Variants in MAP3K20 observed in about 807,000 individuals in gnomAD.
MAP3K20 encodes the protein mitogen-activated protein kinase kinase kinase 20.
MAP3K20 carries 40 observed loss-of-function variants against 85.7 expected under a neutral mutation model. The observed-to-expected ratio is 0.47, with a 90% confidence interval of 0.36 to 0.61. MAP3K20 has a LOEUF of 0.61. MAP3K20 is among the 20% of genes least tolerant of loss of function. MAP3K20 has a pLI of 0.00. For synonymous variants in MAP3K20, 325 were observed against 327.7 expected (o/e 0.99, Z 0.09); for missense variants, 817 against 961.7 (o/e 0.85, Z 1.99).
intron 16 of MAP3K20, among the ~76,000 whole-genome samples, chr2:173,243,163 C>G (rs1684831689): frequency 6.6e-6 from 1 of 152,184 alleles, no homozygotes; most frequent in Non-Finnish European, 1.5e-5. Context: ...ACAAAATCCA[C>G]AAAACGCTAT....
At chr2:173,143,195 A>C (rs1476476117) in intron 2 of MAP3K20, among the ~76,000 whole-genome samples, 2 of 152,204 alleles carry the variant, frequency 1.3e-5, no homozygotes, top group Non-Finnish European at 2.9e-5. Flanking sequence ...GGCTCTATTA[A>C]TATCAGACAC....
intron 3 of MAP3K20, among the ~76,000 whole-genome samples, chr2:173,177,342 T>C (rs772813186): frequency 4.0e-5 from 6 of 151,806 alleles, no homozygotes; most frequent in Non-Finnish European, 8.8e-5. Context: ...GCAATTAAAA[T>C]TGAAATTAAC....
intron 2 of MAP3K20, among the ~76,000 whole-genome samples, chr2:173,098,055 CT>C (rs1174761631): frequency 5.3e-5 from 8 of 152,268 alleles, no homozygotes; most frequent in South Asian, 2.1e-4. Flanking sequence ...ATATTTCCCC[CT>C]GACCCAAACA....
intron 1 of MAP3K20, among the ~76,000 whole-genome samples, chr2:173,084,917 C>T (rs1687106123): frequency 6.6e-6 from 1 of 152,194 alleles, no homozygotes; most frequent in African/African-American, 2.4e-5. Context: ...AATAACAGAT[C>T]TGCTCATAGA....
chr2:173,093,920 A>G (rs1013866217), intron 2 of MAP3K20, among the ~76,000 whole-genome samples: 2 of 146,656 alleles, frequency 1.4e-5, no homozygotes, highest in East Asian at 4.1e-4. Context: ...ATTCTCACTC[A>G]TATGTGGGAA....
chr2:173,131,006 A>AT (rs1688604402), intron 2 of MAP3K20, among the ~76,000 whole-genome samples: 1 of 152,190 alleles, frequency 6.6e-6, no homozygotes, highest in Non-Finnish European at 1.5e-5. Context: ...TGTGCATGCT[A>AT]TTTATTAGGG....
At position 173,266,644 on chromosome 2, in the gene MAP3K20, G is replaced by T. The variant is rs766510908; in HGVS notation, c.2297G>T (p.Gly766Val). 17 of 1,613,550 alleles carry T rather than the reference G, an allele frequency of 1.1e-5. No individual in the cohort carries two copies. In the East Asian group the frequency reaches 2.7e-4, roughly 25 times the overall value. The change falls in exon 20 of 20, where the codon GGG becomes GTG. Residue 766 changes from glycine to valine, a missense_variant. This residue lies in a region of MAP3K20 where 454 missense variants were observed against 476.9 expected (regional missense o/e 0.95). Coordinates refer to ENST00000375213, the MANE Select transcript of MAP3K20 (RefSeq NM_016653.3). ...GAAGAGGACAGCAAAGTCAGCGAAG[G>T]GGGCTGGACAAAAGTGGAATACCGG... ...ASEEDSKVSEGGWTKVEYRKK... is the reference protein window; with the variant it reads ...ASEEDSKVSEVGWTKVEYRKK...
intron 16 of MAP3K20, among the ~76,000 whole-genome samples, chr2:173,245,098 T>A (rs1462242967): frequency 1.3e-5 from 2 of 152,072 alleles, no homozygotes; most frequent in Non-Finnish European, 2.9e-5. Flanking sequence ...GTAGCTACAT[T>A]TTCCCTTTGC....
intron 10 of MAP3K20, among the ~76,000 whole-genome samples, chr2:173,213,998 T>TAG (rs746728868): frequency 2.6e-5 from 4 of 152,144 alleles, no homozygotes; most frequent in African/African-American, 7.2e-5. Context: ...TTTAGTAAAT[T>TAG]AGAGTCACCG....
chr2:173,230,589 A>G lies in MAP3K20; in HGVS notation c.1032+856A>G, dbSNP rs77187769. On this transcript the variant is annotated intron_variant, in intron 12 of 19. Transcript: ENST00000375213. Reference sequence around the variant, plus strand: ...TGCACTCAGACTGTTGAAGTCCAAAAGAAGTCCTGCACTCTGCATTCTTGA... The same window carrying G: ...TGCACTCAGACTGTTGAAGTCCAAAGGAAGTCCTGCACTCTGCATTCTTGA... Among the ~76,000 whole-genome samples, 42 of 152,354 alleles carry G rather than the reference A, an allele frequency of 2.8e-4. No homozygotes were observed. In the East Asian group the frequency reaches 7.9e-3, roughly 29 times the overall value.
rs1687791282 is a variant in MAP3K20 at position 173,106,674 on chromosome 2, A to G, written c.159+15484A>G. Reference sequence around the variant, plus strand: ...GAAAAGTAGAACCATGATGCTGAGGATGGTTGCAGGGGAAGGATTCTGTGA... The same window carrying G: ...GAAAAGTAGAACCATGATGCTGAGGGTGGTTGCAGGGGAAGGATTCTGTGA... On this transcript the variant is annotated intron_variant, in intron 2 of 19. Coordinates refer to ENST00000375213, the MANE Select transcript of MAP3K20 (RefSeq NM_016653.3). 3.3e-5 allele frequency among the ~76,000 whole-genome samples: 5 copies of G among 152,250 alleles called. No individual in the cohort carries two copies. The South Asian group carries it at 1.0e-3, about 32-fold the overall frequency.
chr2:173,167,302 T>G (rs1053847056), intron 2 of MAP3K20, among the ~76,000 whole-genome samples: 7 of 152,088 alleles, frequency 4.6e-5, no homozygotes, highest in African/African-American at 1.2e-4. Flanking sequence ...CAGAGGGTGA[T>G]TGCAACAACA....
At chr2:173,080,165 C>T (rs995449408) in intron 1 of MAP3K20, among the ~76,000 whole-genome samples, 8 of 152,160 alleles carry the variant, frequency 5.3e-5, no homozygotes, top group African/African-American at 1.9e-4. Flanking sequence ...CTTATGGGAT[C>T]GCTGTTATAT....
chr2:173,252,293 G>A (rs1366220342), intron 16 of MAP3K20, among the ~76,000 whole-genome samples: 2 of 152,206 alleles, frequency 1.3e-5, no homozygotes, highest in East Asian at 1.9e-4. Context: ...ACTGAGTGTC[G>A]TTTAGGATTT....
chr2:173,217,080 T>C, intron 10 of MAP3K20, 35 bp from the exon 11 acceptor site: 1 of 1,436,312 alleles, frequency 7.0e-7, no homozygotes, highest in East Asian at 2.6e-5. Context: ...GTCTCTTAAG[T>C]AAAGTTGAGA....
At position 173,198,066 on chromosome 2, in the gene MAP3K20, G is replaced by C; in HGVS notation, c.623G>C (p.Gly208Ala). 6.2e-7 allele frequency: 1 copy of C among 1,613,092 alleles called. No homozygotes were observed. Among genetic ancestry groups the C allele is most frequent in the Non-Finnish European group, 8.5e-7 (1 of 1,179,370 alleles). The change falls in exon 8 of 20, where the codon GGT becomes GCT. Residue 208 changes from glycine to alanine, a missense_variant. By Grantham distance (60) the Gly-to-Ala change is moderately conservative (BLOSUM62 0). Around this residue, in one of 4 missense-constraint regions of MAP3K20, gnomAD observed 200 missense variants for 302.7 expected, o/e 0.66. Coordinates refer to ENST00000375213, the MANE Select transcript of MAP3K20 (RefSeq NM_016653.3). The surrounding 1 kb of genome is among the most constrained non-coding windows in gnomAD (Gnocchi z 5.8). ...EMLTREVPFK[G>A]LEGLQVAWLV... ...CTAACAAGGGAGGTCCCCTTTAAAG[G>C]TTTGGAAGGATTACAAGTAGCTTGG...
In MAP3K20 at chr2:173,141,010, TATG is replaced by T. The variant is rs1183917316; in HGVS notation, c.160-28792_160-28790del. Among the ~76,000 whole-genome samples the T allele has an allele frequency of 2.6e-5, 4 of 152,146 alleles. No individual in the cohort carries two copies. The East Asian group carries it at 7.7e-4, about 29-fold the overall frequency. On this transcript the variant is annotated intron_variant, in intron 2 of 19. Coordinates refer to ENST00000375213, the MANE Select transcript of MAP3K20 (RefSeq NM_016653.3). The stretch of plus-strand genomic sequence containing the variant: ...AAGTAAAAACTTAAAAAAACTAGAT[TATG>T]ATATTTTATATGTATATATATCATA...
intron 1 of MAP3K20, among the ~76,000 whole-genome samples, chr2:173,076,262 G>T (rs1480819519): frequency 6.6e-6 from 1 of 151,966 alleles, no homozygotes; most frequent in Admixed American, 6.5e-5. Context: ...GCGCCGCCAA[G>T]TGCGGTTCGG....
chr2:173,090,898 T>A (rs1687276459), intron 1 of MAP3K20, 100 bp from the exon 2 acceptor site: 1 of 1,380,232 alleles, frequency 7.2e-7, no homozygotes, highest in African/African-American at 1.5e-5. Flanking sequence ...TTTCTGGAAG[T>A]TTCACAGGAC....
Sources: gnomAD v4.1 joint callset for allele counts (sites outside exome capture counted in the v4.1 genomes callset) on GRCh38, gnomAD v4.1.1 for gene constraint, gnomAD v4.1.1 regional missense constraint, Gnocchi (gnomAD v3.1) non-coding constraint, MANE v1.5 for transcripts, NCBI Gene and HGNC (gene_info 2026-07-23, HGNC 2026-07-21) for gene names.